The following ACTR3C variants were observed in gnomAD, a reference collection of about 807,000 sequenced individuals.
The protein encoded by ACTR3C is actin related protein 3C.
Under a neutral mutation model 26.3 loss-of-function variants are expected in ACTR3C, and 18 were observed. The observed-to-expected ratio is 0.68, with a 90% CI of 0.47 to 1.01. The LOEUF (loss-of-function observed/expected upper bound fraction) is 1.01, where lower values mean the gene tolerates loss of function less well. Ranked by LOEUF, ACTR3C falls within the 50% of genes least tolerant of loss-of-function variation. The pLI is 0.00. For missense variants in ACTR3C, 184 were observed against 250.7 expected, an observed-to-expected ratio of 0.73 and a Z score of 1.80; for synonymous variants, 55 against 94.5, an observed-to-expected ratio of 0.58 and a Z score of 2.42.
chr7:150,190,033 G>A, the ACTR3C span, among the ~76,000 whole-genome samples: 6 of 152,152 alleles, frequency 3.9e-5, no homozygotes, highest in Non-Finnish European at 8.8e-5. Flanking sequence ...AAATCCAGTT[G>A]CTCTGTGACG....
chr7:150,313,806 C>G (rs1275930270), intron 1 of ACTR3C, among the ~76,000 whole-genome samples: 3 of 152,150 alleles, frequency 2.0e-5, no homozygotes, highest in African/African-American at 7.2e-5. Context: ...TTGACAGACA[C>G]TGGAAGGGCT....
intron 6 of ACTR3C, among the ~76,000 whole-genome samples, chr7:150,255,242 A>ATTTTT (rs745713614): frequency 2.3e-3 from 199 of 85,270 alleles, no homozygotes; most frequent in Middle Eastern, 7.6e-3. Context: ...TTTGTAGGGG[A>ATTTTT]TTTTTTTTTT....
chr7:150,218,999 A>C, the ACTR3C span, among the ~76,000 whole-genome samples: 1 of 152,156 alleles, frequency 6.6e-6, no homozygotes, highest in African/African-American at 2.4e-5. Flanking sequence ...TGACTTGCTG[A>C]TTCAAATATT....
At chr7:149,917,521 T>C in the ACTR3C span, among the ~76,000 whole-genome samples, 1 of 152,266 alleles carries the variant, frequency 6.6e-6, no homozygotes, top group South Asian at 2.1e-4. Context: ...CATATTTATA[T>C]ATAATTGAAA....
chr7:150,038,637 C>T, the ACTR3C span, among the ~76,000 whole-genome samples: 20 of 144,382 alleles, frequency 1.4e-4, 1 homozygote, highest in South Asian at 6.4e-4. Flanking sequence ...CGTTCGGACC[C>T]GTCGGATCGT....
At chr7:150,037,959 C>G in the ACTR3C span, among the ~76,000 whole-genome samples, 16 of 138,190 alleles carry the variant, frequency 1.2e-4, 1 homozygote, top group South Asian at 2.3e-4. Flanking sequence ...TGCAAAGAGC[C>G]AGGGGAGGAA....
the ACTR3C span, among the ~76,000 whole-genome samples, chr7:149,973,084 C>G: frequency 6.6e-6 from 1 of 151,646 alleles, no homozygotes. Context: ...GTAAGCCCCA[C>G]GAGCGGGCAG....
At chr7:149,945,917 G>A in the ACTR3C span, among the ~76,000 whole-genome samples, 1 of 152,182 alleles carries the variant, frequency 6.6e-6, no homozygotes, top group African/African-American at 2.4e-5. Flanking sequence ...GTCCCGGCAG[G>A]AAGCAGCTAT....
At chr7:150,254,745 G>T (rs528022847) in intron 6 of ACTR3C, among the ~76,000 whole-genome samples, 5 of 152,256 alleles carry the variant, frequency 3.3e-5, no homozygotes, top group African/African-American at 1.2e-4. Context: ...TCTGCCATCT[G>T]CTCTCCTACA....
the ACTR3C span, among the ~76,000 whole-genome samples, chr7:150,169,566 T>C: frequency 2.7e-5 from 4 of 150,102 alleles, no homozygotes; most frequent in African/African-American, 7.6e-5. Flanking sequence ...GGGAAAAAAA[T>C]GAATGCTGTT....
chr7:150,253,547 G>A (rs944931878), intron 6 of ACTR3C, among the ~76,000 whole-genome samples: 5 of 152,160 alleles, frequency 3.3e-5, no homozygotes, highest in South Asian at 2.1e-4. Context: ...TGCATCATGC[G>A]TCTTTGGTTT....
chr7:150,038,296 G>A, the ACTR3C span, among the ~76,000 whole-genome samples: 11 of 144,734 alleles, frequency 7.6e-5, 1 homozygote, highest in Non-Finnish European at 1.4e-4. Flanking sequence ...TAGGCTACGG[G>A]CCTCAGCCAG....
the ACTR3C span, among the ~76,000 whole-genome samples, chr7:150,106,845 A>C: frequency 2.1e-5 from 3 of 146,300 alleles, no homozygotes; most frequent in South Asian, 2.1e-4. Flanking sequence ...CAGGAGATGT[A>C]CTGGGTGGCT....
At chr7:150,297,814 T>G (rs551178479) in intron 1 of ACTR3C, among the ~76,000 whole-genome samples, 1,833 of 140,300 alleles carry the variant, frequency 0.013, 35 homozygotes, top group African/African-American at 0.049. Flanking sequence ...ATCACACCAC[T>G]GCATTCCAGC....
chr7:149,942,292 G>A, the ACTR3C span, among the ~76,000 whole-genome samples: 24 of 152,178 alleles, frequency 1.6e-4, no homozygotes, highest in East Asian at 4.2e-3. Context: ...CTCTAAAATG[G>A]GCTTCAACTA....
chr7:150,182,972 T>G, the ACTR3C span, among the ~76,000 whole-genome samples: 2 of 151,040 alleles, frequency 1.3e-5, no homozygotes, highest in East Asian at 1.9e-4. Context: ...AAATTTATGC[T>G]AAGCATAGCA....
chr7:149,919,330 TC>T, the ACTR3C span, among the ~76,000 whole-genome samples: 1 of 150,958 alleles, frequency 6.6e-6, no homozygotes, highest in East Asian at 1.9e-4. Flanking sequence ...AACTGCCACC[TC>T]CCGGGTTCAA....
the ACTR3C span, among the ~76,000 whole-genome samples, chr7:150,059,861 C>T: frequency 2.0e-5 from 3 of 152,100 alleles, no homozygotes; most frequent in African/African-American, 7.2e-5. Flanking sequence ...GCTGCACAGG[C>T]CATGTAGCAC....
At chr7:150,035,518 C>CG in the ACTR3C span, among the ~76,000 whole-genome samples, 2 of 119,760 alleles carry the variant, frequency 1.7e-5, no homozygotes, top group African/African-American at 6.5e-5. Context: ...TCAGTCCCCA[C>CG]TCTCGTGGGG....
Sources: gnomAD v4.1 joint callset for allele counts (sites outside exome capture counted in the v4.1 genomes callset) on GRCh38, gnomAD v4.1.1 for gene constraint, MANE v1.5 for transcripts, NCBI Gene and HGNC (gene_info 2026-07-23, HGNC 2026-07-21) for gene names.